DPP10: variants seen among roughly 807,000 people sequenced by gnomAD.
DPP10 encodes the protein inactive dipeptidyl peptidase 10.
In DPP10, 33 loss-of-function variants were observed where a neutral mutation model predicts 120.9. That is an observed-to-expected ratio of 0.27 (90% CI 0.21 to 0.37). DPP10 has a LOEUF of 0.37. Among genes scored for constraint, DPP10 ranks in the 10% least tolerant of loss-of-function variants. The pLI, the probability that DPP10 is intolerant of heterozygous loss-of-function variation, is 1.00. For missense variants in DPP10, 816 were observed against 942.8 expected, an observed-to-expected ratio of 0.87 and a Z score of 1.76; for synonymous variants, 337 against 326.1, an observed-to-expected ratio of 1.03 and a Z score of -0.36.
At chr2:114,995,329 T>A (rs1701010672) in intron 1 of DPP10, among the ~76,000 whole-genome samples, 1 of 152,202 alleles carries the variant, frequency 6.6e-6, no homozygotes, top group Non-Finnish European at 1.5e-5. Flanking sequence ...CATCTATGTC[T>A]TGATTAAGTC....
chr2:114,977,728 G>A (rs1241896745), intron 1 of DPP10, among the ~76,000 whole-genome samples: 3 of 151,816 alleles, frequency 2.0e-5, no homozygotes, highest in Non-Finnish European at 4.4e-5. Flanking sequence ...AATTTTCCCT[G>A]GTTTACTTCT....
intron 1 of DPP10, among the ~76,000 whole-genome samples, chr2:115,286,503 T>TATATATTATATATGTATATATATATAA: frequency 2.1e-4 from 7 of 33,450 alleles, no homozygotes; most frequent in African/African-American, 4.3e-4. Context: ...TATATATATA[T>TATATATTATATATGTATATATATATAA]TACATATATA....
intron 10 of DPP10, among the ~76,000 whole-genome samples, 195 bp downstream of exon 10, chr2:115,746,378 A>G (rs1217321208): frequency 6.6e-6 from 1 of 152,198 alleles, no homozygotes; most frequent in African/African-American, 2.4e-5. Flanking sequence ...CTCCAAGGTG[A>G]TTATCAGCAC....
At chr2:115,224,114 G>A (rs115573571) in intron 1 of DPP10, among the ~76,000 whole-genome samples, 2,109 of 152,116 alleles carry the variant, frequency 0.014, 57 homozygotes, top group African/African-American at 0.047. Context: ...CAGTCATCAG[G>A]TACATATGCA....
intron 1 of DPP10, among the ~76,000 whole-genome samples, chr2:114,738,011 A>C (rs935010606): frequency 3.3e-5 from 5 of 152,212 alleles, no homozygotes; most frequent in Admixed American, 6.5e-5. Flanking sequence ...GAAACTTACA[A>C]TCATGACGGA....
rs549414219 is a variant in DPP10, at chr2:114,935,430, G to A, written c.61-373809G>A. On this transcript the variant is annotated intron_variant, in intron 1 of 25. Coordinates refer to ENST00000410059, the MANE Select transcript of DPP10 (RefSeq NM_020868.6). ...TTAGGCATTTAAATGTACACATTCA[G>A]TATTGAATTTTTATTGAGCCATGTT... 4.6e-5 allele frequency among the ~76,000 whole-genome samples: 7 copies of A among 152,216 alleles called. No individual in the cohort carries two copies. In the East Asian group the frequency reaches 1.4e-3, roughly 29 times the overall value.
rs1416836335 is a variant in DPP10 at position 115,836,150 on chromosome 2, C to G, written c.1951-7C>G. The G allele has an allele frequency of 6.6e-7, 1 of 1,519,954 alleles. No homozygotes were observed. The highest frequency in any genetic ancestry group is 1.3e-5 in the South Asian group (1 of 75,414). The allele number at this position is 1,519,954 out of a possible 1,614,324, so 94.2% of individuals were successfully genotyped here. A position where few individuals can be genotyped will look rare whatever the true frequency, so the allele number is the denominator to read the frequency against. On this transcript the variant is annotated splice_polypyrimidine_tract_variant and splice_region_variant and intron_variant, in intron 21 of 25. Transcript: ENST00000410059. ...TATATATATATATATATATTTTTCC[C>G]CCCCAGGGTTATGGTGGCTATATTG...
chr2:114,519,899 G>A (rs1401415153), intron 1 of DPP10, among the ~76,000 whole-genome samples: 1 of 152,276 alleles, frequency 6.6e-6, no homozygotes, highest in East Asian at 1.9e-4. Flanking sequence ...ATTTACATGA[G>A]GTTATTTCAC....
intron 1 of DPP10, among the ~76,000 whole-genome samples, chr2:115,032,147 C>G (rs1703883964): frequency 6.6e-6 from 1 of 151,254 alleles, no homozygotes; most frequent in African/African-American, 2.4e-5. Flanking sequence ...AAGAAAATAT[C>G]CTGGAATCCA....
intron 12 of DPP10, among the ~76,000 whole-genome samples, chr2:115,765,542 G>T (rs1680605053): frequency 6.6e-6 from 1 of 152,056 alleles, no homozygotes; most frequent in Admixed American, 6.6e-5. Flanking sequence ...AGAGTGCATT[G>T]GAAGCCATGA....
chr2:115,284,471 G>C (rs2060285050), intron 1 of DPP10, among the ~76,000 whole-genome samples: 1 of 151,730 alleles, frequency 6.6e-6, no homozygotes, highest in African/African-American at 2.4e-5. Flanking sequence ...AAACTTTTAA[G>C]CATCAAGCAA....
Position 115,613,374 on chromosome 2 carries a change from A to G in DPP10, c.442-76313A>G, listed in dbSNP as rs549197990. Among the ~76,000 whole-genome samples, 3 of 152,316 alleles carry G rather than the reference A, an allele frequency of 2.0e-5. No homozygotes were observed. In the East Asian group the frequency reaches 5.8e-4, roughly 29 times the overall value. On this transcript the variant is annotated intron_variant, in intron 5 of 25. Coordinates refer to ENST00000410059, the MANE Select transcript of DPP10 (RefSeq NM_020868.6). ...AGTATTAGTGTTTCCTGATTTTTAT[A>G]TGTGGATAGAATATCTTTTGGCTCT...
chr2:114,622,711 A>G (rs1254876139), intron 1 of DPP10, among the ~76,000 whole-genome samples: 2 of 152,076 alleles, frequency 1.3e-5, no homozygotes, highest in Non-Finnish European at 2.9e-5. Flanking sequence ...TCTTTCTGTT[A>G]AGGATCTCAA....
chr2:115,480,956 G>A (rs1189219894), intron 3 of DPP10, among the ~76,000 whole-genome samples: 2 of 152,138 alleles, frequency 1.3e-5, no homozygotes, highest in Non-Finnish European at 2.9e-5. Flanking sequence ...AAGTGAGCAA[G>A]CTGCCATCTG....
intron 1 of DPP10, among the ~76,000 whole-genome samples, chr2:115,270,994 T>C (rs1378337307): frequency 2.0e-5 from 3 of 152,220 alleles, no homozygotes; most frequent in East Asian, 1.9e-4. Flanking sequence ...AATTAATCAT[T>C]GATATATTTG....
intron 5 of DPP10, among the ~76,000 whole-genome samples, chr2:115,689,152 A>T (rs1056668772): frequency 6.6e-6 from 1 of 152,176 alleles, no homozygotes; most frequent in Non-Finnish European, 1.5e-5. Context: ...ACTGTGCGAG[A>T]TGGATTTCAG....
At chr2:115,005,507 C>T (rs1219466257) in intron 1 of DPP10, among the ~76,000 whole-genome samples, 1 of 151,154 alleles carries the variant, frequency 6.6e-6, no homozygotes, top group Non-Finnish European at 1.5e-5. Context: ...ATAACCAATA[C>T]AGAGAAGTGC....
At chr2:114,516,259 G>A (rs558221527) in intron 1 of DPP10, among the ~76,000 whole-genome samples, 1 of 152,278 alleles carries the variant, frequency 6.6e-6, no homozygotes, top group Non-Finnish European at 1.5e-5. Context: ...GGCTGTTATG[G>A]GCAAATTCGG....
Position 114,506,467 on chromosome 2 carries a change from A to T in DPP10, c.60+63629A>T, listed in dbSNP as rs185845405. ...GATGCCAGACAAGAATTTAGGTGCC[A>T]TGAGTGCGGGTACAAAAGGCTGTCA... On this transcript the variant is annotated intron_variant, in intron 1 of 25. Transcript: ENST00000410059. 3.3e-5 allele frequency among the ~76,000 whole-genome samples: 5 copies of T among 152,280 alleles called. No homozygotes were observed. The East Asian group carries it at 9.7e-4, about 29-fold the overall frequency.
Sources: gnomAD v4.1 joint callset for allele counts (sites outside exome capture counted in the v4.1 genomes callset) on GRCh38, gnomAD v4.1.1 for gene constraint, MANE v1.5 for transcripts, NCBI Gene and HGNC (gene_info 2026-07-23, HGNC 2026-07-21) for gene names.